GPHN: variants seen among roughly 807,000 people sequenced by gnomAD.
GPHN encodes the protein gephyrin.
Under a neutral mutation model 95.5 loss-of-function variants are expected in GPHN, and 17 were observed. That is an observed-to-expected ratio of 0.18 (90% confidence interval 0.12 to 0.27). The LOEUF (loss-of-function observed/expected upper bound fraction) is 0.27. Ranked by LOEUF, GPHN falls within the 10% of genes least tolerant of loss-of-function variation. GPHN has a pLI of 1.00. For synonymous variants in GPHN, 320 were observed against 322.5 expected, an observed-to-expected ratio of 0.99 and a Z score of 0.08; for missense variants, 660 against 978.1, an observed-to-expected ratio of 0.67 and a Z score of 4.34.
At chr14:67,504,659 G>A in the GPHN span, among the ~76,000 whole-genome samples, 34 of 152,262 alleles carry the variant, frequency 2.2e-4, no homozygotes, top group African/African-American at 8.2e-4. Context: ...GGCCGAGGTG[G>A]GTGGATCACG....
At chr14:67,345,724 T>TA in the GPHN span, 1 of 1,395,198 alleles carries the variant, frequency 7.2e-7, no homozygotes. Flanking sequence ...ACTTGACTGT[T>TA]ACAAATCAAA....
At chr14:67,495,545 C>T in the GPHN span, among the ~76,000 whole-genome samples, 3 of 151,482 alleles carry the variant, frequency 2.0e-5, no homozygotes, top group Admixed American at 1.3e-4. Flanking sequence ...TGCAATGGCA[C>T]AATCTCAATT....
chr14:67,583,677 C>T, the GPHN span: 1 of 1,286,332 alleles, frequency 7.8e-7, no homozygotes, highest in Non-Finnish European at 1.1e-6. Flanking sequence ...CACCTCTCAA[C>T]AGCCCCCACC....
chr14:67,229,857 C>T, the GPHN span, among the ~76,000 whole-genome samples: 1 of 152,158 alleles, frequency 6.6e-6, no homozygotes, highest in African/African-American at 2.4e-5. Flanking sequence ...GACAGCACTG[C>T]TCTAGAGAAA....
At chr14:66,963,500 A>G (rs757105631) in intron 8 of GPHN, among the ~76,000 whole-genome samples, 18 of 152,026 alleles carry the variant, frequency 1.2e-4, no homozygotes, top group Non-Finnish European at 2.1e-4. Context: ...AAATGTTGTG[A>G]TACTTTCTGT....
At chr14:67,253,703 T>C in the GPHN span, among the ~76,000 whole-genome samples, 2 of 152,046 alleles carry the variant, frequency 1.3e-5, no homozygotes, top group African/African-American at 4.8e-5. Flanking sequence ...AAAAATTAGC[T>C]GGGTTTGCAT....
the GPHN span, among the ~76,000 whole-genome samples, chr14:67,424,479 GT>G: frequency 6.6e-6 from 1 of 151,076 alleles, no homozygotes; most frequent in African/African-American, 2.4e-5. Flanking sequence ...TGTGCTTGTA[GT>G]CCCAGCTACT....
chr14:67,567,768 C>T, the GPHN span, among the ~76,000 whole-genome samples: 1 of 152,184 alleles, frequency 6.6e-6, no homozygotes, highest in African/African-American at 2.4e-5. Flanking sequence ...CCATCTGACC[C>T]CACCAGGTGA....
At chr14:66,632,753 A>G (rs1004216578) in intron 1 of GPHN, among the ~76,000 whole-genome samples, 1 of 152,102 alleles carries the variant, frequency 6.6e-6, no homozygotes, top group Admixed American at 6.5e-5. Context: ...GGCCTACCAA[A>G]GTGCTGGAAT....
chr14:67,257,051 A>G, the GPHN span, among the ~76,000 whole-genome samples: 12 of 152,074 alleles, frequency 7.9e-5, no homozygotes, highest in Non-Finnish European at 1.6e-4. Context: ...ATGAGACATC[A>G]ATATGTACGT....
At chr14:67,620,092 A>G in the GPHN span, 1 of 1,590,582 alleles carries the variant, frequency 6.3e-7, no homozygotes. Flanking sequence ...AGGGCAGGTG[A>G]GAACTGGCAC....
At chr14:66,896,188 G>A (rs532829453) in intron 5 of GPHN, among the ~76,000 whole-genome samples, 4 of 152,128 alleles carry the variant, frequency 2.6e-5, no homozygotes, top group African/African-American at 9.7e-5. Flanking sequence ...ATCAGCATAT[G>A]AATTTGGGGT....
At chr14:66,836,789 G>A (rs1427273021) in intron 4 of GPHN, among the ~76,000 whole-genome samples, 1 of 151,954 alleles carries the variant, frequency 6.6e-6, no homozygotes, top group Non-Finnish European at 1.5e-5. Flanking sequence ...CGAAGGACAT[G>A]AACAGACACT....
At chr14:66,789,395 A>G (rs1238233017) in intron 3 of GPHN, among the ~76,000 whole-genome samples, 1 of 152,242 alleles carries the variant, frequency 6.6e-6, no homozygotes, top group Non-Finnish European at 1.5e-5. Flanking sequence ...TAAGCCATTT[A>G]ATTAGAGCTC....
chr14:67,514,377 G>T, the GPHN span, among the ~76,000 whole-genome samples: 1 of 152,170 alleles, frequency 6.6e-6, no homozygotes, highest in East Asian at 1.9e-4. Flanking sequence ...GAACCGGGCT[G>T]TAACACTCCC....
At chr14:67,500,431 C>A in the GPHN span, among the ~76,000 whole-genome samples, 23 of 152,174 alleles carry the variant, frequency 1.5e-4, no homozygotes, top group African/African-American at 5.1e-4. Context: ...GCTGAGCTCT[C>A]ACCATTGCAC....
intron 2 of GPHN, among the ~76,000 whole-genome samples, chr14:66,762,765 A>T (rs1241860352): frequency 6.6e-6 from 1 of 152,140 alleles, no homozygotes; most frequent in Non-Finnish European, 1.5e-5. Flanking sequence ...GTGGAAGCAA[A>T]GACTCTTCTC....
chr14:66,583,423 C>T (rs2140489982), intron 1 of GPHN, among the ~76,000 whole-genome samples: 1 of 152,178 alleles, frequency 6.6e-6, no homozygotes, highest in African/African-American at 2.4e-5. Context: ...GCTTTTGTTG[C>T]CATTGCTTTT....
At chr14:66,863,478 T>C (rs1389862003) in intron 4 of GPHN, among the ~76,000 whole-genome samples, 1 of 152,020 alleles carries the variant, frequency 6.6e-6, no homozygotes, top group Non-Finnish European at 1.5e-5. Context: ...TCATAAAATT[T>C]ATCAGGAACC....
Sources: gnomAD v4.1 joint callset for allele counts (sites outside exome capture counted in the v4.1 genomes callset) on GRCh38, gnomAD v4.1.1 for gene constraint, MANE v1.5 for transcripts, NCBI Gene and HGNC (gene_info 2026-07-23, HGNC 2026-07-21) for gene names.